SH2B1: variants seen among roughly 807,000 people sequenced by gnomAD.
SH2B1 encodes the protein SH2B adapter protein 1.
SH2B1 carries 15 observed loss-of-function variants against 62.6 expected under a neutral mutation model. The observed-to-expected ratio is 0.24, with a 90% CI of 0.16 to 0.37. The LOEUF (loss-of-function observed/expected upper bound fraction) is 0.37, where lower values mean the gene tolerates loss of function less well. Among genes scored for constraint, SH2B1 ranks in the 10% least tolerant of loss-of-function variants. The pLI is 1.00. For synonymous variants in SH2B1, 443 were observed against 438.0 expected (o/e 1.01, Z -0.14); for missense variants, 925 against 1,015.6 (o/e 0.91, Z 1.21).
chr16:28,856,751 C>T (rs1403326333), intron 1 of SH2B1, among the ~76,000 whole-genome samples: 1 of 152,130 alleles, frequency 6.6e-6, no homozygotes, highest in East Asian at 1.9e-4. Context: ...TGGGAAGTCT[C>T]TCTGGTTAAA....
chr16:28,868,959 C>T lies in SH2B1; in HGVS notation c.1042-47C>T, dbSNP rs544621554. The T allele has an allele frequency of 1.3e-5, 19 of 1,423,212 alleles. No homozygotes were observed. In the East Asian group the frequency reaches 3.6e-4, roughly 27 times the overall value. 88.2% of individuals were successfully genotyped at this position (1,423,212 alleles called of 1,614,324 possible). A position where few individuals can be genotyped will look rare whatever the true frequency, so the allele number is the denominator to read the frequency against. ...TGTTCTCATTAGGCATGGATTAAGC[C>T]TCCTCCCTGCCCCTGCCCCAGCTGA... On this transcript the variant is annotated intron_variant, in intron 2 of 7. Coordinates refer to ENST00000684370, the MANE Select transcript of SH2B1 (RefSeq NM_001387430.1).
chr16:28,870,912 C>G (rs1271455291), intron 4 of SH2B1, among the ~76,000 whole-genome samples: 1 of 152,068 alleles, frequency 6.6e-6, no homozygotes, highest in African/African-American at 2.4e-5. Flanking sequence ...GTCTTGAACT[C>G]CTGGGCTCAA....
At chr16:28,852,511 C>T (rs372975766) in intron 1 of SH2B1, among the ~76,000 whole-genome samples, 6 of 42,788 alleles carry the variant, frequency 1.4e-4, no homozygotes, top group Non-Finnish European at 1.8e-4. Context: ...TATATATATA[C>T]ACATATATTT....
chr16:28,851,666 T>C (rs1962102062), intron 1 of SH2B1, among the ~76,000 whole-genome samples: 2 of 150,874 alleles, frequency 1.3e-5, no homozygotes, highest in South Asian at 2.1e-4. Flanking sequence ...AGTTTCACCA[T>C]GTTGGCCAGG....
intron 1 of SH2B1, among the ~76,000 whole-genome samples, chr16:28,856,834 C>A (rs1962332011): frequency 6.6e-6 from 1 of 152,170 alleles, no homozygotes. Context: ...ACTGCACCAA[C>A]TTCTGCTCTG....
In SH2B1 at chr16:28,867,081, T is replaced by C. The variant is rs189943376; in HGVS notation, c.939+48T>C. 3,581 of 1,597,032 alleles carry C rather than the reference T, an allele frequency of 2.2e-3. 15 individuals are homozygous for C. Among genetic ancestry groups the C allele is most frequent in the Non-Finnish European group, 2.2e-3 (2,636 of 1,178,958 alleles). On this transcript the variant is annotated intron_variant, in intron 1 of 7. Coordinates refer to ENST00000684370, the MANE Select transcript of SH2B1 (RefSeq NM_001387430.1). ...TGACTGAGAGCAAGTGAGAGAGTGC[T>C]CAGAGTGGTCACAGCCCTGCAGATA...
intron 1 of SH2B1, among the ~76,000 whole-genome samples, chr16:28,853,069 C>G (rs1239076625): frequency 1.0e-5 from 1 of 96,850 alleles, no homozygotes; most frequent in Non-Finnish European, 1.9e-5. Context: ...TATATATGTA[C>G]ATATATATTT....
At chr16:28,847,876 A>G (rs1596606301) in intron 1 of SH2B1, among the ~76,000 whole-genome samples, 1 of 118,972 alleles carries the variant, frequency 8.4e-6, no homozygotes, top group Admixed American at 1.2e-4. Context: ...CCCAGGCTGG[A>G]GTGCAATGGG....
chr16:28,863,794 T>G (rs1391971849), upstream of SH2B1: 1 of 1,535,414 alleles, frequency 6.5e-7, no homozygotes, highest in Non-Finnish European at 8.7e-7. Flanking sequence ...CGCTGTTCTC[T>G]ATGGTCTCTT....
upstream of SH2B1, among the ~76,000 whole-genome samples, chr16:28,859,118 A>G (rs901795520): frequency 6.6e-6 from 1 of 151,414 alleles, no homozygotes; most frequent in Admixed American, 6.6e-5. Flanking sequence ...ATTTTTTTGT[A>G]TTTGTTGTAG....
At position 28,872,886 on chromosome 16, in the gene SH2B1, C is replaced by T. The variant is rs2152188465; in HGVS notation, c.1897+181C>T. On this transcript the variant is annotated intron_variant, in intron 7 of 7. Coordinates refer to ENST00000684370, the MANE Select transcript of SH2B1 (RefSeq NM_001387430.1). This position sits in a 1 kb window ranked among gnomAD's most constrained non-coding sequence, Gnocchi z 5.3. Reference sequence around the variant, plus strand: ...AAGGGAAAGAAATGCGCTGATAGGACACAGGAAGGCAGAAGGCTCCTGGCC... The same window carrying T: ...AAGGGAAAGAAATGCGCTGATAGGATACAGGAAGGCAGAAGGCTCCTGGCC... 2.4e-6 allele frequency: 2 copies of T among 827,594 alleles called. No individual in the cohort carries two copies. The highest frequency in any genetic ancestry group is 4.6e-4 in the Middle Eastern group (2 of 4,362). The allele number at this position is 827,594 out of a possible 1,614,324, so 51.3% of individuals were successfully genotyped here.
At chr16:28,852,513 C>T (rs184879367) in intron 1 of SH2B1, among the ~76,000 whole-genome samples, 375 of 11,780 alleles carry the variant, frequency 0.032, 149 homozygotes, top group East Asian at 0.19. Context: ...TATATATACA[C>T]ATATATTTAT....
chr16:28,852,735 C>CATATATATATTT (rs1567459083), intron 1 of SH2B1, among the ~76,000 whole-genome samples: 1,557 of 30,450 alleles, frequency 0.051, 288 homozygotes, highest in African/African-American at 0.19. Flanking sequence ...TATATATATA[C>CATATATATATTT]ATATATATAT....
Position 28,864,463 on chromosome 16 carries a change from A to T in SH2B1, c.-1632A>T. Reference sequence around the variant, plus strand: ...TCTTGGCTGGGTTCCCCCGTGCTCCATGACTCCTGCATCTCCTGATTGTTT... The same window carrying T: ...TCTTGGCTGGGTTCCCCCGTGCTCCTTGACTCCTGCATCTCCTGATTGTTT... On this transcript the variant is annotated 5_prime_UTR_variant, in exon 1 of 8. It removes an upstream start codon present in the reference 5' UTR. Transcript: ENST00000684370. 1 of 985,916 alleles carries T rather than the reference A, an allele frequency of 1.0e-6. No individual in the cohort carries two copies. Among genetic ancestry groups the T allele is most frequent in the Non-Finnish European group, 1.2e-6 (1 of 830,326 alleles). 61.1% of individuals were successfully genotyped at this position (985,916 alleles called of 1,614,324 possible).
intron 1 of SH2B1, among the ~76,000 whole-genome samples, chr16:28,852,656 A>ATT (rs1491149139): frequency 3.6e-5 from 3 of 82,614 alleles, no homozygotes; most frequent in Non-Finnish European, 6.1e-5. Context: ...TTATATATAT[A>ATT]CACATATATA....
At chr16:28,852,348 A>ATT (rs1962135990) in intron 1 of SH2B1, among the ~76,000 whole-genome samples, 1 of 82,416 alleles carries the variant, frequency 1.2e-5, no homozygotes, top group African/African-American at 5.6e-5. Context: ...ATTTACATAT[A>ATT]TATTTATATA....
intron 1 of SH2B1, among the ~76,000 whole-genome samples, chr16:28,856,854 TC>T (rs564742227): frequency 2.1e-4 from 32 of 152,046 alleles, no homozygotes; most frequent in Non-Finnish European, 3.4e-4. Context: ...GCCTCCTGCC[TC>T]CCCAAGTCCC....
At chr16:28,855,496 C>T (rs943940348) in intron 1 of SH2B1, among the ~76,000 whole-genome samples, 1 of 152,158 alleles carries the variant, frequency 6.6e-6, no homozygotes, top group East Asian at 1.9e-4. Flanking sequence ...GCTGGGAGTA[C>T]AGGCATGAGC....
At chr16:28,852,803 T>G (rs1312737840) in intron 1 of SH2B1, among the ~76,000 whole-genome samples, 1 of 62,716 alleles carries the variant, frequency 1.6e-5, no homozygotes, top group Non-Finnish European at 2.6e-5. Context: ...TTTACATATA[T>G]ATTTACATAT....
Sources: allele counts gnomAD v4.1 joint callset (sites outside exome capture counted in the v4.1 genomes callset), GRCh38; gene constraint gnomAD v4.1.1; non-coding constraint Gnocchi (gnomAD v3.1); transcripts MANE v1.5; gene names NCBI Gene and HGNC (gene_info 2026-07-23, HGNC 2026-07-21).